Variants in MANBA observed in about 807,000 individuals in gnomAD.
MANBA encodes the protein beta-mannosidase.
MANBA carries 83 observed loss-of-function variants against 111.1 expected under a neutral mutation model. The ratio of observed to expected loss-of-function variants is 0.75; its 90% CI spans 0.63 to 0.90. MANBA has a LOEUF of 0.90. MANBA is among the 40% of genes least tolerant of loss of function. MANBA has a pLI of 0.00. For synonymous variants in MANBA, 370 were observed against 378.7 expected (o/e 0.98, Z 0.27); for missense variants, 1,036 against 1,069.0 (o/e 0.97, Z 0.43).
Position 102,672,034 on chromosome 4 carries a change from C to T in MANBA, c.1113-636G>A, listed in dbSNP as rs569026475. 8 of 398,822 alleles carry T rather than the reference C, an allele frequency of 2.0e-5. No individual in the cohort carries two copies. In the South Asian group the frequency reaches 1.0e-3, roughly 51 times the overall value. The allele number at this position is 398,822 out of a possible 1,614,324, so 24.7% of individuals were successfully genotyped here. A position where few individuals can be genotyped will look rare whatever the true frequency, so the allele number is the denominator to read the frequency against. ...CAATTGGCCCAGTTGGGCTGAAGGA[C>T]CACAGCCAACCCAGCCCCAGCTGGG... is the stretch of plus-strand genomic sequence containing the variant. On this transcript the variant is annotated intron_variant, in intron 8 of 16. Transcript: ENST00000647097.
In MANBA at chr4:102,671,220, T is replaced by C. The variant is rs1731480793; in HGVS notation, c.1230+61A>G. 6.8e-6 allele frequency: 7 copies of C among 1,035,612 alleles called. No homozygotes were observed. In the East Asian group the frequency reaches 7.2e-5, roughly 11 times the overall value. The allele number at this position is 1,035,612 out of a possible 1,614,324, so 64.2% of individuals were successfully genotyped here. A position where few individuals can be genotyped will look rare whatever the true frequency, so the allele number is the denominator to read the frequency against. ...TGGGGCAATTGCATCATTCAGAACA[T>C]TGGCAGTCAAACTGAGGATATAGTA... On this transcript the variant is annotated intron_variant, in intron 9 of 16. Transcript: ENST00000647097.
chr4:102,731,527 C>T (rs969319111), intron 1 of MANBA, among the ~76,000 whole-genome samples: 4 of 152,196 alleles, frequency 2.6e-5, no homozygotes, highest in African/African-American at 9.7e-5. Flanking sequence ...TATTATCCTA[C>T]CTCAGGTCAG....
chr4:102,738,017 C>T (rs926949995), intron 1 of MANBA, among the ~76,000 whole-genome samples: 2 of 152,166 alleles, frequency 1.3e-5, no homozygotes, highest in African/African-American at 4.8e-5. Context: ...CCTCTATGGT[C>T]CTGCCCATCA....
intron 5 of MANBA, among the ~76,000 whole-genome samples, chr4:102,699,150 C>T (rs1336904633): frequency 2.4e-4 from 37 of 151,772 alleles, no homozygotes; most frequent in Admixed American, 1.3e-3. Context: ...ATGATTTGGC[C>T]CTCTGTTTGT....
At chr4:102,690,467 A>G (rs1242164871) in intron 6 of MANBA, 129 bp downstream of exon 6, 4 of 853,644 alleles carry the variant, frequency 4.7e-6, no homozygotes, top group Non-Finnish European at 7.5e-6. Context: ...ACTAAAATAG[A>G]GAAGAAAATG....
At chr4:102,728,514 G>A (rs540237024) in intron 1 of MANBA, 15 of 378,832 alleles carry the variant, frequency 4.0e-5, no homozygotes, top group Non-Finnish European at 7.5e-5. Context: ...TAACTATAAG[G>A]TTAGCTGTTG....
At chr4:102,716,429 C>G (rs1332925733) in intron 4 of MANBA, among the ~76,000 whole-genome samples, 2 of 151,710 alleles carry the variant, frequency 1.3e-5, no homozygotes, top group Non-Finnish European at 2.9e-5. Context: ...TTCAGAAGTC[C>G]TTGTTTCTGA....
chr4:102,731,178 A>G (rs1723022026), intron 1 of MANBA, among the ~76,000 whole-genome samples: 1 of 151,936 alleles, frequency 6.6e-6, no homozygotes, highest in Non-Finnish European at 1.5e-5. Context: ...TGCCTTGCTG[A>G]AAGAATTAAA....
At chr4:102,734,295 G>A (rs1347788654) in intron 1 of MANBA, 95 of 1,491,084 alleles carry the variant, frequency 6.4e-5, no homozygotes, top group South Asian at 5.0e-5. Flanking sequence ...GGGCAGCAGC[G>A]TGAGAGTTGG....
chr4:102,755,827 A>G (rs1431645760), intron 1 of MANBA, among the ~76,000 whole-genome samples: 2 of 152,228 alleles, frequency 1.3e-5, no homozygotes, highest in African/African-American at 2.4e-5. Context: ...ATGAACAGAC[A>G]CTTCTCAAAA....
At chr4:102,730,049 C>T (rs1185170873) in intron 1 of MANBA, 2 of 802,210 alleles carry the variant, frequency 2.5e-6, no homozygotes, top group African/African-American at 1.7e-5. Context: ...TGCTGCTGCC[C>T]ACTAGGGAGA....
Position 102,690,842 on chromosome 4 carries a change from C to G in MANBA, c.674-71G>C, listed in dbSNP as rs1261549702. On this transcript the variant is annotated intron_variant, in intron 5 of 16. Transcript: ENST00000647097. ...TGCTAAGCATTATCACTGCATTTCT[C>G]AGGATTCATTGAAGGTAAGACTAAA... 6.9e-6 allele frequency: 4 copies of G among 580,194 alleles called. No homozygotes were observed. In the African/African-American group the frequency reaches 7.8e-5, roughly 11 times the overall value. The allele number at this position is 580,194 out of a possible 1,614,324, so 35.9% of individuals were successfully genotyped here.
At chr4:102,739,779 G>A (rs1054506669) in intron 1 of MANBA, among the ~76,000 whole-genome samples, 1 of 152,192 alleles carries the variant, frequency 6.6e-6, no homozygotes, top group Non-Finnish European at 1.5e-5. Flanking sequence ...AATTGGCATA[G>A]AAGGGACATA....
intron 5 of MANBA, among the ~76,000 whole-genome samples, chr4:102,705,861 C>T (rs1000296267): frequency 3.9e-5 from 6 of 152,178 alleles, no homozygotes; most frequent in Admixed American, 2.0e-4. Flanking sequence ...CAGCACTCCT[C>T]CCAGGAGCCT....
At chr4:102,722,221 C>T (rs1022635030) in intron 4 of MANBA, among the ~76,000 whole-genome samples, 20 of 151,916 alleles carry the variant, frequency 1.3e-4, no homozygotes, top group Non-Finnish European at 2.8e-4. Flanking sequence ...ATATACTTAA[C>T]ACTACTAAAC....
In MANBA at chr4:102,632,141, A is replaced by T. The variant is rs749762778; in HGVS notation, c.2556T>A (p.Thr852=). 3.7e-6 allele frequency: 6 copies of T among 1,613,568 alleles called. No individual in the cohort carries two copies. The Admixed American group carries it at 1.0e-4, about 27-fold the overall frequency. ...TGGGCTCCCAAGGGTAAAATAATATAGTTCGTGTCTTCTCAGTCATGAGGA... is the reference window on the plus strand; with the variant it reads ...TGGGCTCCCAAGGGTAAAATAATATTGTTCGTGTCTTCTCAGTCATGAGGA... The part of the protein sequence containing the change: ...NGFLMTEKTR[T]ILFYPWEPTS... The change falls in exon 17 of 17, where the codon ACT becomes ACA. Residue 852 remains threonine (T), a synonymous_variant. Coordinates refer to ENST00000647097, the MANE Select transcript of MANBA (RefSeq NM_005908.4).
chr4:102,653,045 G>T (rs1730406046), intron 12 of MANBA, among the ~76,000 whole-genome samples: 1 of 152,036 alleles, frequency 6.6e-6, no homozygotes, highest in African/African-American at 2.4e-5. Context: ...AAACCCAGAA[G>T]GATCTGAAGA....
chr4:102,697,366 AT>A (rs1252004960), intron 5 of MANBA, among the ~76,000 whole-genome samples: 1 of 151,954 alleles, frequency 6.6e-6, no homozygotes, highest in African/African-American at 2.4e-5. Flanking sequence ...TTTTTTTATT[AT>A]TATTATACTT....
rs1420317040 is a variant in MANBA at position 102,760,928 on chromosome 4, T to C, written c.-34A>G. ...CCCGCGCCACCGAGATGTGGAGAGA[T>C]CGAAAGGCAGCGCTGCAAGGGACCG... On this transcript the variant is annotated 5_prime_UTR_variant, in exon 1 of 17. Transcript: ENST00000647097. The C allele has an allele frequency of 3.9e-6, 6 of 1,538,862 alleles. No individual in the cohort carries two copies. The highest frequency in any genetic ancestry group is 1.4e-5 in the African/African-American group (1 of 72,736).
Sources: gnomAD v4.1 joint callset for allele counts (sites outside exome capture counted in the v4.1 genomes callset) on GRCh38, gnomAD v4.1.1 for gene constraint, MANE v1.5 for transcripts, NCBI Gene and HGNC (gene_info 2026-07-23, HGNC 2026-07-21) for gene names.